PPP2R2B: variants seen among roughly 807,000 people sequenced by gnomAD.
PPP2R2B encodes protein phosphatase 2 regulatory subunit Bbeta.
A neutral mutation model predicts 46.0 loss-of-function variants in PPP2R2B; 5 were observed. The ratio of observed to expected loss-of-function variants is 0.11; its 90% CI spans 0.06 to 0.23. The LOEUF (loss-of-function observed/expected upper bound fraction) is 0.23, where lower values mean the gene tolerates loss of function less well. Among genes scored for constraint, PPP2R2B ranks in the 10% least tolerant of loss-of-function variants. The pLI is 1.00. For synonymous variants in PPP2R2B, 215 were observed against 206.7 expected, an observed-to-expected ratio of 1.04 and a Z score of -0.34; for missense variants, 367 against 575.0, an observed-to-expected ratio of 0.64 and a Z score of 3.70.
At chr5:147,012,468 T>C (rs944452215) in intron 1 of PPP2R2B, among the ~76,000 whole-genome samples, 1 of 152,148 alleles carries the variant, frequency 6.6e-6, no homozygotes, top group African/African-American at 2.4e-5. Context: ...TTCTTCTCTC[T>C]TTTTTTCTTT....
At chr5:146,876,098 G>C (rs1221053814) in intron 2 of PPP2R2B, among the ~76,000 whole-genome samples, 2 of 152,192 alleles carry the variant, frequency 1.3e-5, no homozygotes. Context: ...ATTAGTATGT[G>C]TGTGTGTTTG....
chr5:146,687,219 C>T (rs1778563762), intron 5 of PPP2R2B, among the ~76,000 whole-genome samples: 1 of 152,092 alleles, frequency 6.6e-6, no homozygotes, highest in African/African-American at 2.4e-5. Context: ...GTTTAAGAGC[C>T]TAACTCTTGA....
chr5:146,696,067 T>C (rs947729542), intron 4 of PPP2R2B, among the ~76,000 whole-genome samples: 1 of 151,974 alleles, frequency 6.6e-6, no homozygotes, highest in Non-Finnish European at 1.5e-5. Flanking sequence ...ACTGATTTTT[T>C]CCCATCCCCC....
chr5:146,697,038 G>A (rs1779216605), intron 4 of PPP2R2B, among the ~76,000 whole-genome samples: 1 of 152,058 alleles, frequency 6.6e-6, no homozygotes, highest in Non-Finnish European at 1.5e-5. Context: ...TATTGACACT[G>A]TATTTTTTCA....
chr5:146,952,211 C>CT (rs1303996130), intron 1 of PPP2R2B, among the ~76,000 whole-genome samples: 1 of 151,698 alleles, frequency 6.6e-6, no homozygotes, highest in African/African-American at 2.4e-5. Flanking sequence ...TTTTTAAATC[C>CT]TTTTTTTGGG....
upstream of PPP2R2B, among the ~76,000 whole-genome samples, chr5:146,880,584 T>C (rs1332250613): frequency 6.6e-6 from 1 of 152,172 alleles, no homozygotes; most frequent in African/African-American, 2.4e-5. Flanking sequence ...CTTAAAATTG[T>C]TTCAGGAGGC....
chr5:147,036,981 G>T (rs147003779), intron 1 of PPP2R2B, among the ~76,000 whole-genome samples: 1 of 152,184 alleles, frequency 6.6e-6, no homozygotes, highest in Admixed American at 6.5e-5. Context: ...TTAATTCCAC[G>T]TTAATCCTAT....
At chr5:146,631,208 C>A (rs1227295968) in intron 7 of PPP2R2B, among the ~76,000 whole-genome samples, 1 of 152,164 alleles carries the variant, frequency 6.6e-6, no homozygotes, top group Non-Finnish European at 1.5e-5. Context: ...GCTGTCTCCA[C>A]CCTGGAGGTA....
chr5:146,988,700 CA>C (rs1322120256), intron 1 of PPP2R2B, among the ~76,000 whole-genome samples: 3 of 151,406 alleles, frequency 2.0e-5, no homozygotes, highest in African/African-American at 7.3e-5. Context: ...CATTATACCT[CA>C]AGGAACTAGA....
intron 3 of PPP2R2B, among the ~76,000 whole-genome samples, chr5:146,699,720 G>A (rs1404426582): frequency 7.7e-6 from 1 of 129,472 alleles, no homozygotes; most frequent in Non-Finnish European, 1.6e-5. Context: ...GAAAATGAGT[G>A]TTCAAAAGAC....
At chr5:146,706,615 C>T in intron 2 of PPP2R2B, 1 of 813,098 alleles carries the variant, frequency 1.2e-6, no homozygotes, top group African/African-American at 1.7e-5. Context: ...CGCTGCTCCG[C>T]ATCTGCGATG....
At chr5:146,668,094 T>C (rs895812828) in intron 5 of PPP2R2B, among the ~76,000 whole-genome samples, 2 of 152,222 alleles carry the variant, frequency 1.3e-5, no homozygotes, top group Non-Finnish European at 2.9e-5. Flanking sequence ...ACCTGACTGC[T>C]GCAGTTAACA....
intron 7 of PPP2R2B, among the ~76,000 whole-genome samples, chr5:146,637,533 T>A (rs1483591652): frequency 6.6e-6 from 1 of 152,230 alleles, no homozygotes; most frequent in Non-Finnish European, 1.5e-5. Flanking sequence ...CAGCCAGAAT[T>A]TAACCTTTAT....
In PPP2R2B at chr5:146,878,301, C is replaced by G. The variant is rs1451362661; in HGVS notation, c.-124-106G>C. ...CGAGGCTGCGGCGGCTCCTCCCGCGCGGTGCGCTCACTCCAGCTCCAGTTC... is the reference window on the plus strand; with the variant it reads ...CGAGGCTGCGGCGGCTCCTCCCGCGGGGTGCGCTCACTCCAGCTCCAGTTC... On this transcript the variant is annotated intron_variant, in intron 1 of 9. Coordinates refer to ENST00000394411, the MANE Select transcript of PPP2R2B (RefSeq NM_181675.4). This position sits in a 1 kb window ranked among gnomAD's most constrained non-coding sequence, Gnocchi z 4.5. 1.4e-6 allele frequency: 2 copies of G among 1,455,624 alleles called. No homozygotes were observed. Among genetic ancestry groups the G allele is most frequent in the South Asian group, 1.4e-5 (1 of 69,446 alleles). The allele number at this position is 1,455,624 out of a possible 1,614,324, so 90.2% of individuals were successfully genotyped here.
rs151268298 is a variant in PPP2R2B, at chr5:146,926,417, C to T, written c.79+129248G>A. ...ATTTACTTTTTTTTTGTTTTCGAGA[C>T]GGAGTCTTGCTGTGTCACCCAGGCA... On this transcript the variant is annotated intron_variant, in intron 1 of 8. Coordinates refer to the PPP2R2B transcript ENST00000336640. 2.9e-3 allele frequency among the ~76,000 whole-genome samples: 436 copies of T among 151,776 alleles called. 3 individuals carry two copies. Among genetic ancestry groups the T allele is most frequent in the African/African-American group, 0.01 (419 of 41,386 alleles).
upstream of PPP2R2B, among the ~76,000 whole-genome samples, chr5:146,883,687 T>A (rs929470900): frequency 6.6e-6 from 1 of 152,248 alleles, no homozygotes; most frequent in Non-Finnish European, 1.5e-5. Flanking sequence ...GTTTACGTGC[T>A]GTCTAGAGAA....
intron 2 of PPP2R2B, among the ~76,000 whole-genome samples, chr5:146,828,832 G>C (rs932765718): frequency 2.0e-4 from 30 of 152,014 alleles, no homozygotes; most frequent in South Asian, 6.2e-4. Flanking sequence ...TCCTTACACA[G>C]GTTATAAAAC....
intron 1 of PPP2R2B, among the ~76,000 whole-genome samples, chr5:146,970,576 G>C (rs1301104300): frequency 6.6e-6 from 1 of 151,722 alleles, no homozygotes; most frequent in African/African-American, 2.4e-5. Flanking sequence ...CCAGTCTAGG[G>C]GACAGAGGAG....
At chr5:146,926,948 T>G (rs1763800881) in intron 1 of PPP2R2B, among the ~76,000 whole-genome samples, 1 of 152,170 alleles carries the variant, frequency 6.6e-6, no homozygotes, top group African/African-American at 2.4e-5. Flanking sequence ...TCATTTCTAT[T>G]GACAACTTTG....
Sources: allele counts gnomAD v4.1 joint callset (sites outside exome capture counted in the v4.1 genomes callset), GRCh38; gene constraint gnomAD v4.1.1; non-coding constraint Gnocchi (gnomAD v3.1); transcripts MANE v1.5; gene names NCBI Gene and HGNC (gene_info 2026-07-23, HGNC 2026-07-21).